CSMD2: variants seen among roughly 807,000 people sequenced by gnomAD.
CSMD2 encodes CUB and sushi domain-containing protein 2.
CSMD2 carries 130 observed loss-of-function variants against 398.5 expected under a neutral mutation model. The ratio of observed to expected loss-of-function variants is 0.33; its 90% CI spans 0.28 to 0.38. The LOEUF (loss-of-function observed/expected upper bound fraction) is 0.38, where lower values mean the gene tolerates loss of function less well. CSMD2 is among the 10% of genes least tolerant of loss of function. The probability of loss-of-function intolerance (pLI) is 1.00; values close to 1 mark genes in which losing one functional copy is unlikely to be tolerated. For synonymous variants in CSMD2, 1,828 were observed against 1,908.5 expected, an observed-to-expected ratio of 0.96 and a Z score of 1.10; for missense variants, 3,829 against 4,764.9, an observed-to-expected ratio of 0.80 and a Z score of 5.78.
chr1:33,702,036 C>T (rs1645628872), intron 22 of CSMD2, among the ~76,000 whole-genome samples: 1 of 152,166 alleles, frequency 6.6e-6, no homozygotes, highest in Admixed American at 6.5e-5. Flanking sequence ...TTCCAACTTA[C>T]AGGCAATAAA....
intron 32 of CSMD2, among the ~76,000 whole-genome samples, chr1:33,628,105 C>A (rs1486719092): frequency 1.3e-5 from 2 of 152,148 alleles, no homozygotes; most frequent in African/African-American, 2.4e-5. Flanking sequence ...TTAAATCTAG[C>A]ATTGCATCTG....
At chr1:34,029,824 T>C (rs894688836) in intron 3 of CSMD2, among the ~76,000 whole-genome samples, 5 of 152,256 alleles carry the variant, frequency 3.3e-5, no homozygotes, top group African/African-American at 1.2e-4. Flanking sequence ...CAAGGCTTTA[T>C]TTCCTTAGTG....
chr1:34,113,321 C>T (rs1571162570), intron 1 of CSMD2, among the ~76,000 whole-genome samples: 1 of 152,214 alleles, frequency 6.6e-6, no homozygotes, highest in East Asian at 1.9e-4. Flanking sequence ...GGTGGCAGAG[C>T]AGCGACCCAG....
intron 28 of CSMD2, among the ~76,000 whole-genome samples, chr1:33,649,302 C>A (rs1378372120): frequency 6.6e-6 from 1 of 152,194 alleles, no homozygotes; most frequent in Non-Finnish European, 1.5e-5. Flanking sequence ...TCTCAGAAAC[C>A]ATGACTTTAA....
At chr1:33,892,647 T>C (rs935038023) in intron 5 of CSMD2, among the ~76,000 whole-genome samples, 1 of 152,348 alleles carries the variant, frequency 6.6e-6, no homozygotes, top group South Asian at 2.1e-4. Context: ...CAAAAGACAC[T>C]ATTTCATTCC....
chr1:33,853,471 T>C lies in CSMD2; in HGVS notation c.921-6475A>G, dbSNP rs182956901. Among the ~76,000 whole-genome samples, 293 of 152,374 alleles carry C rather than the reference T, an allele frequency of 1.9e-3. 2 individuals carry two copies. The highest frequency in any genetic ancestry group is 3.5e-3 in the Non-Finnish European group (239 of 68,036). ...TCCAAAGCATTCAATTTAGTTTCCA[T>C]AGATGCAACTATATTTCCTTTCACA... On this transcript the variant is annotated intron_variant, in intron 5 of 70. Coordinates refer to ENST00000373381, the MANE Select transcript of CSMD2 (RefSeq NM_001281956.2).
chr1:33,680,536 C>T (rs770558873), intron 25 of CSMD2, among the ~76,000 whole-genome samples: 42 of 152,164 alleles, frequency 2.8e-4, no homozygotes, highest in Non-Finnish European at 5.1e-4. Context: ...GCCCAGGCAC[C>T]TGACTTTAGC....
chr1:33,568,635 C>G (rs1167584593), intron 52 of CSMD2, among the ~76,000 whole-genome samples: 1 of 152,086 alleles, frequency 6.6e-6, no homozygotes, highest in Non-Finnish European at 1.5e-5. Context: ...TTGAGTAGCA[C>G]CTAGGTGAAT....
At chr1:33,756,928 C>T (rs1011607423) in intron 13 of CSMD2, among the ~76,000 whole-genome samples, 1 of 152,086 alleles carries the variant, frequency 6.6e-6, no homozygotes, top group Non-Finnish European at 1.5e-5. Context: ...CAATGATAGA[C>T]TGGATTAAGA....
intron 6 of CSMD2, among the ~76,000 whole-genome samples, chr1:33,833,633 T>A (rs1441592004): frequency 6.7e-6 from 1 of 149,690 alleles, no homozygotes; most frequent in Non-Finnish European, 1.5e-5. Context: ...TTCAACATAC[T>A]GTTGGAAGTT....
chr1:33,810,928 C>A, intron 9 of CSMD2, 64 bp from the exon 10 acceptor site: 1 of 1,567,940 alleles, frequency 6.4e-7, no homozygotes, highest in Admixed American at 1.8e-5. Flanking sequence ...TTCTTGCCTC[C>A]CACTCCCCAC....
chr1:33,976,974 G>T (rs1024732627), intron 3 of CSMD2, among the ~76,000 whole-genome samples: 1 of 151,954 alleles, frequency 6.6e-6, no homozygotes. Context: ...ATGGGGGAGG[G>T]TGTAGGGGAA....
intron 3 of CSMD2, among the ~76,000 whole-genome samples, chr1:34,023,171 G>A (rs532720669): frequency 1.3e-5 from 2 of 152,212 alleles, no homozygotes; most frequent in African/African-American, 4.8e-5. Context: ...CCAATTAAAG[G>A]GTTTCAAGTG....
intron 6 of CSMD2, among the ~76,000 whole-genome samples, chr1:33,833,787 A>G (rs1266724308): frequency 1.3e-5 from 2 of 152,188 alleles, no homozygotes; most frequent in African/African-American, 4.8e-5. Flanking sequence ...TTAAGCTGAT[A>G]AGGAACTTCA....
chr1:33,954,459 A>G (rs1406068780), intron 3 of CSMD2, among the ~76,000 whole-genome samples: 1 of 151,930 alleles, frequency 6.6e-6, no homozygotes. Context: ...ACAATTATAC[A>G]ATTGAGGGTA....
intron 25 of CSMD2, among the ~76,000 whole-genome samples, chr1:33,686,989 T>C (rs1645081291): frequency 6.6e-6 from 1 of 152,228 alleles, no homozygotes; most frequent in South Asian, 2.1e-4. Context: ...AGGTGCTTTA[T>C]ATATGTTCAC....
intron 66 of CSMD2, among the ~76,000 whole-genome samples, chr1:33,523,837 C>T (rs1429731433): frequency 3.3e-5 from 5 of 152,172 alleles, no homozygotes; most frequent in Admixed American, 6.5e-5. Context: ...CCTGCAGTTG[C>T]GTAGGTGTGT....
At chr1:33,913,090 G>A (rs967956304) in intron 5 of CSMD2, among the ~76,000 whole-genome samples, 1 of 152,176 alleles carries the variant, frequency 6.6e-6, no homozygotes, top group Non-Finnish European at 1.5e-5. Flanking sequence ...GGGATTACAG[G>A]TGTGAGTCAC....
intron 3 of CSMD2, among the ~76,000 whole-genome samples, chr1:33,965,521 G>C (rs1018841757): frequency 1.3e-5 from 2 of 152,182 alleles, no homozygotes; most frequent in African/African-American, 4.8e-5. Context: ...TTGTGCCTCG[G>C]CTTGATGCTG....
Sources: allele counts gnomAD v4.1 joint callset (sites outside exome capture counted in the v4.1 genomes callset), GRCh38; gene constraint gnomAD v4.1.1; transcripts MANE v1.5; gene names NCBI Gene and HGNC (gene_info 2026-07-23, HGNC 2026-07-21).